SPAG6: variants seen among roughly 807,000 people sequenced by gnomAD.
SPAG6 encodes the protein sperm associated antigen 6, also known as sperm-associated antigen 6.
SPAG6 carries 49 observed loss-of-function variants against 58.5 expected under a neutral mutation model. The observed-to-expected ratio is 0.84, with a 90% CI of 0.67 to 1.06. The LOEUF is 1.06. Among genes scored for constraint, SPAG6 ranks in the 50% least tolerant of loss-of-function variants. The pLI is 0.00. For missense variants in SPAG6, 560 were observed against 611.3 expected, an observed-to-expected ratio of 0.92 and a Z score of 0.89; for synonymous variants, 233 against 225.6, an observed-to-expected ratio of 1.03 and a Z score of -0.29.
rs1257526542 is a variant in SPAG6 at position 22,416,671 on chromosome 10, C to T, written c.1513C>T (p.Gln505Ter). The change falls in exon 11 of 11, where the codon CAA becomes TAA. Residue 505 changes from glutamine (Q) to a stop codon, truncating the protein, a stop_gained. Coordinates refer to ENST00000376624, the MANE Select transcript of SPAG6 (RefSeq NM_012443.4). LOFTEE classifies it high-confidence loss of function. ...ACTTCTGCAGAGGGTGGACAGCTAT[C>T]AACCACTTAATAACTGAGCAAAGTT... is the stretch of plus-strand genomic sequence containing the variant. ...DTLLQRVDSY[Q>*]PLNN is the part of the protein sequence containing the mutation. 1 of 1,606,620 alleles carries T rather than the reference C, an allele frequency of 6.2e-7. No homozygotes were observed. Among genetic ancestry groups the T allele is most frequent in the African/African-American group, 1.3e-5 (1 of 74,884 alleles).
chr10:22,411,216 T>A (rs777035498), intron 10 of SPAG6, 40 bp downstream of exon 10: 3 of 1,551,052 alleles, frequency 1.9e-6, no homozygotes, highest in Non-Finnish European at 2.6e-6. Context: ...TATTAGAATG[T>A]AGTTTTTCTG....
intron 10 of SPAG6, among the ~76,000 whole-genome samples, chr10:22,411,840 C>CTTTT (rs546172800): frequency 1.3e-4 from 9 of 66,750 alleles, no homozygotes; most frequent in Non-Finnish European, 1.9e-4. Flanking sequence ...ACAACTGAAT[C>CTTTT]TTTTTTTTTT....
chr10:22,371,473 C>T (rs769317660), intron 4 of SPAG6, among the ~76,000 whole-genome samples: 56 of 152,072 alleles, frequency 3.7e-4, no homozygotes, highest in Non-Finnish European at 6.8e-4. Flanking sequence ...AGGCTGGTCT[C>T]GAACTCCTCA....
At chr10:22,349,773 T>G (rs1023651447) in intron 2 of SPAG6, among the ~76,000 whole-genome samples, 1 of 152,212 alleles carries the variant, frequency 6.6e-6, no homozygotes, top group Admixed American at 6.5e-5. Context: ...ACTTTAAATG[T>G]GCACCTGTAT....
chr10:22,349,518 G>A (rs1356182860), intron 2 of SPAG6, among the ~76,000 whole-genome samples: 1 of 152,186 alleles, frequency 6.6e-6, no homozygotes, highest in Non-Finnish European at 1.5e-5. Flanking sequence ...GTGGCTTACT[G>A]GAACACCAGG....
chr10:22,383,503 G>A (rs943387699), intron 4 of SPAG6, among the ~76,000 whole-genome samples: 2 of 152,062 alleles, frequency 1.3e-5, no homozygotes, highest in African/African-American at 4.8e-5. Context: ...GCTGGGCGTG[G>A]TGGCAGTTGC....
chr10:22,384,187 T>C (rs532408705), intron 4 of SPAG6, among the ~76,000 whole-genome samples: 5 of 152,304 alleles, frequency 3.3e-5, no homozygotes, highest in African/African-American at 1.2e-4. Flanking sequence ...GCAAGATGGA[T>C]GTAGGAGTTC....
At chr10:22,390,584 G>A (rs1834163067) in intron 7 of SPAG6, among the ~76,000 whole-genome samples, 1 of 152,158 alleles carries the variant, frequency 6.6e-6, no homozygotes, top group Admixed American at 6.5e-5. Flanking sequence ...AAGCAAATTT[G>A]CATTCCTTAT....
At chr10:22,402,952 T>G (rs1834450578) in intron 9 of SPAG6, among the ~76,000 whole-genome samples, 1 of 152,128 alleles carries the variant, frequency 6.6e-6, no homozygotes, top group Admixed American at 6.5e-5. Context: ...TTTAGGCTAG[T>G]GAGTGAGATA....
At position 22,364,844 on chromosome 10, in the gene SPAG6, T is replaced by G. The variant is rs1248637907; in HGVS notation, c.122-9T>G. Reference sequence around the variant, plus strand: ...TTCCTGATTTCTGTTCTTTCATAATTTAACTCAGGTGTAATGTCTTTGCTG... The same window carrying G: ...TTCCTGATTTCTGTTCTTTCATAATGTAACTCAGGTGTAATGTCTTTGCTG... On this transcript the variant is annotated splice_polypyrimidine_tract_variant and intron_variant, in intron 2 of 10. Transcript: ENST00000376624. 1 of 1,583,554 alleles carries G rather than the reference T, an allele frequency of 6.3e-7. No homozygotes were observed. The highest frequency in any genetic ancestry group is 8.6e-7 in the Non-Finnish European group (1 of 1,167,044).
Position 22,345,729 on chromosome 10 carries a change from A to G in SPAG6, c.32A>G (p.Glu11Gly). The change falls in exon 2 of 11, where the codon GAG becomes GGG. Residue 11 changes from glutamate (E) to glycine (G), a missense_variant. Glu to Gly is a moderately conservative substitution (Grantham distance 98). Transcript: ENST00000376624. The surrounding 1 kb of genome is among the most constrained non-coding windows in gnomAD (Gnocchi z 6.3). ...CCGACTCTCTCTCCCGCAGTGTTCG[A>G]GCAATACCAGAAGGCCAGGACCCAG... MSQRQVLQVF[E>G]QYQKARTQFV... 6.2e-7 allele frequency: 1 copy of G among 1,612,356 alleles called. No individual in the cohort carries two copies. The highest frequency in any genetic ancestry group is 1.3e-5 in the African/African-American group (1 of 74,972).
intron 4 of SPAG6, among the ~76,000 whole-genome samples, chr10:22,372,631 G>A (rs886931455): frequency 2.6e-5 from 4 of 152,192 alleles, no homozygotes; most frequent in African/African-American, 7.2e-5. Context: ...GACAGTGGCC[G>A]CAATGAGAGC....
chr10:22,357,805 G>T (rs1470892592), intron 2 of SPAG6, among the ~76,000 whole-genome samples: 1 of 137,738 alleles, frequency 7.3e-6, no homozygotes. Flanking sequence ...TCATTGTTCA[G>T]TTCCCACCTA....
chr10:22,378,421 T>C (rs951643347), intron 4 of SPAG6, among the ~76,000 whole-genome samples: 1 of 151,488 alleles, frequency 6.6e-6, no homozygotes, highest in African/African-American at 2.4e-5. Flanking sequence ...GGGCAGGTTT[T>C]TTTTTTTTTT....
At chr10:22,412,702 G>A in intron 10 of SPAG6, 2 of 417,628 alleles carry the variant, frequency 4.8e-6, no homozygotes, top group Non-Finnish European at 4.3e-6. Context: ...CTCCCAAGTA[G>A]CTGGGACTAC....
At chr10:22,346,440 T>TTCC (rs1836536946) in intron 2 of SPAG6, among the ~76,000 whole-genome samples, 2 of 127,210 alleles carry the variant, frequency 1.6e-5, no homozygotes, top group African/African-American at 7.2e-5. Context: ...GTTCTTCTTC[T>TTCC]TCTTCTTCTT....
intron 5 of SPAG6, among the ~76,000 whole-genome samples, chr10:22,387,271 A>G (rs1416311628): frequency 6.6e-6 from 1 of 152,188 alleles, no homozygotes; most frequent in Non-Finnish European, 1.5e-5. Context: ...ACCCACCACT[A>G]TAATATTGTT....
intron 6 of SPAG6, 82 bp downstream of exon 6, chr10:22,388,078 T>C: frequency 2.6e-6 from 3 of 1,135,020 alleles, no homozygotes; most frequent in Non-Finnish European, 2.5e-6. Context: ...TTATAGGGCC[T>C]AGGGGTTGTG....
chr10:22,371,773 A>G (rs570893807), intron 4 of SPAG6, among the ~76,000 whole-genome samples: 1 of 152,340 alleles, frequency 6.6e-6, no homozygotes, highest in South Asian at 2.1e-4. Context: ...AAATAAGCAT[A>G]GAGAGAAGCC....
Sources: gnomAD v4.1 joint callset for allele counts (sites outside exome capture counted in the v4.1 genomes callset) on GRCh38, gnomAD v4.1.1 for gene constraint, Gnocchi (gnomAD v3.1) non-coding constraint, MANE v1.5 for transcripts, NCBI Gene and HGNC (gene_info 2026-07-23, HGNC 2026-07-21) for gene names.